Variants in RALGPS2 observed in about 807,000 individuals in gnomAD.
RALGPS2 encodes the protein ras-specific guanine nucleotide-releasing factor RalGPS2.
A neutral mutation model predicts 86.8 loss-of-function variants in RALGPS2; 43 were observed. That is an observed-to-expected ratio of 0.50 (90% CI 0.39 to 0.64). RALGPS2 has a LOEUF of 0.64. RALGPS2 is among the 30% of genes least tolerant of loss of function. The pLI is 0.00. For synonymous variants in RALGPS2, 243 were observed against 231.3 expected, an observed-to-expected ratio of 1.05 and a Z score of -0.46; for missense variants, 536 against 694.6, an observed-to-expected ratio of 0.77 and a Z score of 2.57.
chr1:178,862,575 A>G (rs1447222319), intron 8 of RALGPS2, among the ~76,000 whole-genome samples: 3 of 150,914 alleles, frequency 2.0e-5, no homozygotes, highest in African/African-American at 7.4e-5. Context: ...CAAGGGCCTC[A>G]AGGAGGAGTT....
At chr1:178,897,010 A>G (rs1034040519) in intron 16 of RALGPS2, among the ~76,000 whole-genome samples, 2 of 151,882 alleles carry the variant, frequency 1.3e-5, no homozygotes, top group African/African-American at 4.8e-5. Flanking sequence ...TGGTATTTCC[A>G]GTTCTAGATC....
Position 178,750,189 on chromosome 1 carries a change from T to C in RALGPS2, c.-84+24770T>C, listed in dbSNP as rs190299964. On this transcript the variant is annotated intron_variant, in intron 1 of 19. Transcript: ENST00000367635. ...TTCTAGGCGAGAGGTTGGCAAACCT[T>C]CTCTAAAGGCCCAAAAAGTAAATTA... is the stretch of plus-strand genomic sequence containing the variant. 6.7e-3 allele frequency among the ~76,000 whole-genome samples: 1,014 copies of C among 152,246 alleles called. 8 individuals are homozygous for C. Among genetic ancestry groups the C allele is most frequent in the African/African-American group, 0.023 (939 of 41,540 alleles).
intron 10 of RALGPS2, among the ~76,000 whole-genome samples, chr1:178,883,197 T>C (rs181405837): frequency 1.4e-4 from 22 of 152,260 alleles, no homozygotes; most frequent in African/African-American, 4.8e-4. Flanking sequence ...TAATTAAAAA[T>C]TGCCCTTGGC....
At chr1:178,737,230 A>G (rs1415118720) in intron 1 of RALGPS2, among the ~76,000 whole-genome samples, 2 of 152,184 alleles carry the variant, frequency 1.3e-5, no homozygotes, top group Non-Finnish European at 2.9e-5. Context: ...GATGAAATAC[A>G]TGTATTTCAC....
In RALGPS2 at chr1:178,886,034, A is replaced by G. The variant is rs767721965; in HGVS notation, c.1106A>G (p.His369Arg). Residue 369 changes from histidine (H) to arginine (R), a missense_variant, in exon 13 of 20, where the codon CAT becomes CGT. Transcript: ENST00000367635. ...ACGTTTCCAAATGCAGGACCAAGAC[A>G]TCTGTTAGATGATAGCGTCATGGAG... is the stretch of plus-strand genomic sequence containing the variant. The part of the protein sequence containing the change: ...SATFPNAGPR[H>R]LLDDSVMEPH... 2 of 1,613,448 alleles carry G rather than the reference A, an allele frequency of 1.2e-6. No homozygotes were observed. The highest frequency in any genetic ancestry group is 1.3e-5 in the African/African-American group (1 of 74,906).
At chr1:178,874,054 A>T (rs1019993137) in intron 8 of RALGPS2, among the ~76,000 whole-genome samples, 1 of 152,220 alleles carries the variant, frequency 6.6e-6, no homozygotes, top group South Asian at 2.1e-4. Flanking sequence ...TAATCCACAC[A>T]TACAATAAAA....
At chr1:178,837,671 T>A (rs1558142344) in intron 8 of RALGPS2, among the ~76,000 whole-genome samples, 3 of 151,062 alleles carry the variant, frequency 2.0e-5, no homozygotes, top group Non-Finnish European at 2.9e-5. Context: ...CACTGGGGCT[T>A]GTCGGACAGT....
chr1:178,904,821 G>T (rs1660325929), intron 18 of RALGPS2, among the ~76,000 whole-genome samples: 1 of 152,142 alleles, frequency 6.6e-6, no homozygotes, highest in East Asian at 1.9e-4. Flanking sequence ...TCTTGCTTCG[G>T]CTGTGGTGGG....
chr1:178,841,210 T>C (rs1484838860), intron 8 of RALGPS2, among the ~76,000 whole-genome samples: 2 of 151,912 alleles, frequency 1.3e-5, no homozygotes, highest in Non-Finnish European at 1.5e-5. Context: ...AAGAGAATTT[T>C]AGACCAATAT....
At chr1:178,799,665 G>A (rs1654376715) in intron 4 of RALGPS2, among the ~76,000 whole-genome samples, 1 of 152,158 alleles carries the variant, frequency 6.6e-6, no homozygotes, top group Non-Finnish European at 1.5e-5. Flanking sequence ...CTGCTAATAA[G>A]GGACTGCCTC....
intron 8 of RALGPS2, among the ~76,000 whole-genome samples, chr1:178,874,491 G>T (rs1308040828): frequency 6.6e-6 from 1 of 152,102 alleles, no homozygotes; most frequent in Non-Finnish European, 1.5e-5. Context: ...TGGAAGAATG[G>T]CAAGAACTGG....
chr1:178,835,178 A>G (rs1224889102), intron 8 of RALGPS2, among the ~76,000 whole-genome samples: 1 of 152,220 alleles, frequency 6.6e-6, no homozygotes, highest in Non-Finnish European at 1.5e-5. Flanking sequence ...ATACCTTCAC[A>G]ATTCAGAAGA....
chr1:178,861,512 G>A (rs1039753708), intron 8 of RALGPS2, among the ~76,000 whole-genome samples: 2 of 150,130 alleles, frequency 1.3e-5, no homozygotes, highest in African/African-American at 4.9e-5. Context: ...GTTTCATTTT[G>A]TATAAACATT....
At chr1:178,901,656 A>G (rs1660178208) in intron 17 of RALGPS2, among the ~76,000 whole-genome samples, 1 of 151,406 alleles carries the variant, frequency 6.6e-6, no homozygotes, top group Non-Finnish European at 1.5e-5. Flanking sequence ...CCACTGCACC[A>G]CAGCCTGGGC....
chr1:178,894,293 A>G (rs866363448), intron 16 of RALGPS2: 1 of 234,634 alleles, frequency 4.3e-6, no homozygotes, highest in Non-Finnish European at 8.2e-6. Flanking sequence ...TACCTTTTCT[A>G]TCTTAACTAA....
At chr1:178,797,329 CAG>C (rs1350635958) in intron 4 of RALGPS2, among the ~76,000 whole-genome samples, 1 of 151,198 alleles carries the variant, frequency 6.6e-6, no homozygotes, top group Non-Finnish European at 1.5e-5. Flanking sequence ...TTTTTAATCA[CAG>C]AGAAATTTAG....
chr1:178,787,674 CT>C (rs1653724749), intron 4 of RALGPS2, among the ~76,000 whole-genome samples: 1 of 152,080 alleles, frequency 6.6e-6, no homozygotes, highest in African/African-American at 2.4e-5. Context: ...CTTTGTGAAA[CT>C]TAGAAATAAA....
chr1:178,861,192 A>G (rs575491343), intron 8 of RALGPS2, among the ~76,000 whole-genome samples: 1 of 152,336 alleles, frequency 6.6e-6, no homozygotes, highest in South Asian at 2.1e-4. Flanking sequence ...ACTAATTAGT[A>G]TAGTAATTCT....
At chr1:178,839,699 A>G (rs1215879155) in intron 8 of RALGPS2, among the ~76,000 whole-genome samples, 3 of 152,252 alleles carry the variant, frequency 2.0e-5, no homozygotes, top group Admixed American at 2.0e-4. Context: ...TGCTCCAATT[A>G]AAAGACACAG....
Sources: gnomAD v4.1 joint callset for allele counts (sites outside exome capture counted in the v4.1 genomes callset) on GRCh38, gnomAD v4.1.1 for gene constraint, MANE v1.5 for transcripts, NCBI Gene and HGNC (gene_info 2026-07-23, HGNC 2026-07-21) for gene names.